Variants in DENND1A observed in about 807,000 individuals in gnomAD.
DENND1A encodes the protein DENN domain-containing protein 1A.
In DENND1A, 51 loss-of-function variants were observed where a neutral mutation model predicts 113.7. The ratio of observed to expected loss-of-function variants is 0.45; its 90% CI spans 0.36 to 0.57. DENND1A has a LOEUF of 0.57. DENND1A is among the 20% of genes least tolerant of loss of function. DENND1A has a pLI of 0.00. For missense variants in DENND1A, 1,258 were observed against 1,395.9 expected, an observed-to-expected ratio of 0.90 and a Z score of 1.57; for synonymous variants, 565 against 570.8, an observed-to-expected ratio of 0.99 and a Z score of 0.14.
At chr9:123,613,123 C>T (rs2060490145) in intron 10 of DENND1A, among the ~76,000 whole-genome samples, 1 of 152,220 alleles carries the variant, frequency 6.6e-6, no homozygotes. Context: ...CCCAAGCACA[C>T]TCTTGTCTCC....
At chr9:123,614,147 C>A (rs189029088) in intron 10 of DENND1A, among the ~76,000 whole-genome samples, 1 of 152,158 alleles carries the variant, frequency 6.6e-6, no homozygotes, top group African/African-American at 2.4e-5. Context: ...TTAGGAAACA[C>A]GCTCAGAAAG....
intron 2 of DENND1A, among the ~76,000 whole-genome samples, chr9:123,872,128 C>T (rs1846719008): frequency 6.6e-6 from 1 of 151,924 alleles, no homozygotes; most frequent in African/African-American, 2.4e-5. Context: ...AAGGTAGGTT[C>T]TTAAACCAAT....
At chr9:123,623,381 G>A (rs1305363318) in intron 10 of DENND1A, among the ~76,000 whole-genome samples, 1 of 152,170 alleles carries the variant, frequency 6.6e-6, no homozygotes, top group African/African-American at 2.4e-5. Flanking sequence ...ACTTTTCAAA[G>A]TAGGTAAGTT....
intron 2 of DENND1A, among the ~76,000 whole-genome samples, chr9:123,801,383 C>T (rs1834641153): frequency 6.6e-6 from 1 of 152,188 alleles, no homozygotes; most frequent in South Asian, 2.1e-4. Flanking sequence ...TTTGAATAGT[C>T]TAGTTACATG....
intron 2 of DENND1A, among the ~76,000 whole-genome samples, chr9:123,827,392 AATATAT>A (rs56805562): frequency 1.7e-4 from 24 of 140,770 alleles, no homozygotes; most frequent in African/African-American, 2.1e-4. Context: ...ATGGATATAT[AATATAT>A]ATATATATAT....
At chr9:123,769,887 T>C (rs1829451611) in intron 3 of DENND1A, among the ~76,000 whole-genome samples, 1 of 152,168 alleles carries the variant, frequency 6.6e-6, no homozygotes, top group Admixed American at 6.5e-5. Context: ...AGCCTGACCA[T>C]ATGGATCAGA....
intron 9 of DENND1A, among the ~76,000 whole-genome samples, chr9:123,641,497 G>A (rs1318622834): frequency 3.3e-5 from 5 of 150,184 alleles, no homozygotes; most frequent in Non-Finnish European, 5.9e-5. Flanking sequence ...AAATTACACC[G>A]GTGGACTGCA....
At chr9:123,446,488 C>T (rs568595652) in intron 18 of DENND1A, among the ~76,000 whole-genome samples, 1 of 152,304 alleles carries the variant, frequency 6.6e-6, no homozygotes, top group East Asian at 1.9e-4. Flanking sequence ...CTCTGTGAAA[C>T]CAACTGTGAA....
At chr9:123,581,586 C>T (rs901917921) in intron 12 of DENND1A, among the ~76,000 whole-genome samples, 1 of 151,852 alleles carries the variant, frequency 6.6e-6, no homozygotes, top group African/African-American at 2.4e-5. Flanking sequence ...GATAGTGCCA[C>T]TGCACTCCAG....
chr9:123,807,702 C>T (rs778547667), intron 2 of DENND1A, among the ~76,000 whole-genome samples: 16 of 152,184 alleles, frequency 1.1e-4, no homozygotes, highest in Admixed American at 3.9e-4. Flanking sequence ...TAGATTAATT[C>T]AGGGGCACTC....
At chr9:123,697,133 T>C (rs537807190) in intron 5 of DENND1A, among the ~76,000 whole-genome samples, 2 of 152,198 alleles carry the variant, frequency 1.3e-5, no homozygotes, top group South Asian at 2.1e-4. Context: ...CCCAGATATT[T>C]TGCTTGCCAT....
intron 2 of DENND1A, among the ~76,000 whole-genome samples, chr9:123,831,816 G>A (rs780022757): frequency 1.3e-4 from 20 of 152,124 alleles, no homozygotes; most frequent in East Asian, 1.9e-4. Context: ...AACCCTGTCC[G>A]TACTAAAAGT....
intron 22 of DENND1A, among the ~76,000 whole-genome samples, chr9:123,386,709 A>G (rs555479974): frequency 3.9e-5 from 6 of 152,328 alleles, no homozygotes; most frequent in African/African-American, 1.4e-4. Context: ...AAGTGAGGAC[A>G]CTGGGAGGGG....
intron 2 of DENND1A, among the ~76,000 whole-genome samples, chr9:123,837,391 T>C (rs1386047974): frequency 2.6e-5 from 4 of 152,142 alleles, no homozygotes; most frequent in Admixed American, 6.5e-5. Flanking sequence ...AACTTCAAAA[T>C]AGTCCTGTTG....
At chr9:123,687,212 C>T (rs1234129549) in intron 5 of DENND1A, among the ~76,000 whole-genome samples, 1 of 151,930 alleles carries the variant, frequency 6.6e-6, no homozygotes, top group East Asian at 1.9e-4. Context: ...GAGTTTTAGC[C>T]CAAAATAAAA....
intron 13 of DENND1A, among the ~76,000 whole-genome samples, chr9:123,508,925 T>C (rs1186742650): frequency 2.0e-5 from 3 of 152,224 alleles, no homozygotes; most frequent in Non-Finnish European, 2.9e-5. Context: ...ACACTCTGTG[T>C]GCACACAGTT....
intron 2 of DENND1A, among the ~76,000 whole-genome samples, chr9:123,807,947 C>G (rs1445180106): frequency 6.6e-6 from 1 of 152,116 alleles, no homozygotes; most frequent in Non-Finnish European, 1.5e-5. Context: ...TATTCTTGGC[C>G]GGGCACAGTA....
chr9:123,908,746 G>A (rs1005998521), intron 1 of DENND1A, among the ~76,000 whole-genome samples: 10 of 151,796 alleles, frequency 6.6e-5, no homozygotes, highest in African/African-American at 2.4e-4. Flanking sequence ...TTACACTGTT[G>A]GTGGGACTGT....
At chr9:123,400,479 G>A (rs554123799) in intron 21 of DENND1A, 1 of 152,412 alleles carries the variant, frequency 6.6e-6, no homozygotes, top group African/African-American at 2.4e-5. Context: ...ACTGGCCAGA[G>A]AGTGGCTGGC....
Sources: allele counts gnomAD v4.1 joint callset (sites outside exome capture counted in the v4.1 genomes callset), GRCh38; gene constraint gnomAD v4.1.1; transcripts MANE v1.5; gene names NCBI Gene and HGNC (gene_info 2026-07-23, HGNC 2026-07-21).